The following CACNA1S variants were observed in gnomAD, a reference collection of about 807,000 sequenced individuals.
CACNA1S encodes calcium voltage-gated channel subunit alpha1 S, also known as voltage-dependent L-type calcium channel subunit alpha-1S.
In CACNA1S, 126 loss-of-function variants were observed where a neutral mutation model predicts 207.4. The ratio of observed to expected loss-of-function variants is 0.61; its 90% CI spans 0.53 to 0.70. The LOEUF (loss-of-function observed/expected upper bound fraction) is 0.70, where lower values mean the gene tolerates loss of function less well. CACNA1S is among the 30% of genes least tolerant of loss of function. CACNA1S has a pLI of 0.00. For synonymous variants in CACNA1S, 960 were observed against 932.7 expected, an observed-to-expected ratio of 1.03 and a Z score of -0.53; for missense variants, 2,349 against 2,422.8, an observed-to-expected ratio of 0.97 and a Z score of 0.64.
At chr1:201,052,729 T>C in intron 31 of CACNA1S, 81 bp from the exon 32 acceptor site, 2 of 1,184,522 alleles carry the variant, frequency 1.7e-6, no homozygotes, top group Non-Finnish European at 2.5e-6. Flanking sequence ...TTCTCCTGCC[T>C]GACCCCTACC....
chr1:201,106,953 G>A lies in CACNA1S; in HGVS notation c.258+3211C>T, dbSNP rs545049869. On this transcript the variant is annotated intron_variant, in intron 2 of 43. Transcript: ENST00000362061. ...TCAGCCCAGGGTAGAGACAACCAGAGCCATGTCCTTCCCTGAGACACGGCC... is the reference window on the plus strand; with the variant it reads ...TCAGCCCAGGGTAGAGACAACCAGAACCATGTCCTTCCCTGAGACACGGCC... Among the ~76,000 whole-genome samples, 58 of 152,304 alleles carry A rather than the reference G, an allele frequency of 3.8e-4. 1 individual carries two copies. Among genetic ancestry groups the A allele is most frequent in the African/African-American group, 1.3e-3 (54 of 41,558 alleles).
At chr1:201,083,728 T>G (rs948668297) in intron 9 of CACNA1S, among the ~76,000 whole-genome samples, 4 of 152,234 alleles carry the variant, frequency 2.6e-5, no homozygotes, top group African/African-American at 9.6e-5. Flanking sequence ...ACAATCTTTT[T>G]GGGATGAATT....
chr1:201,069,329 T>C, intron 18 of CACNA1S, 133 bp from the exon 19 acceptor site: 1 of 1,407,016 alleles, frequency 7.1e-7, no homozygotes, highest in Non-Finnish European at 9.9e-7. Context: ...AGGAGTGGAG[T>C]GGGCAGTCCT....
chr1:201,070,828 G>T (rs1661417481), intron 16 of CACNA1S, among the ~76,000 whole-genome samples: 1 of 152,140 alleles, frequency 6.6e-6, no homozygotes, highest in Non-Finnish European at 1.5e-5. Context: ...CCCTTCCTTA[G>T]CGTCAGTTTC....
intron 11 of CACNA1S, among the ~76,000 whole-genome samples, chr1:201,077,424 C>T (rs1426956701): frequency 6.6e-6 from 1 of 152,230 alleles, no homozygotes; most frequent in African/African-American, 2.4e-5. Flanking sequence ...ACCCTCGATG[C>T]CCTGTGCTTA....
At chr1:201,063,270 T>C (rs1661133470) in intron 22 of CACNA1S, among the ~76,000 whole-genome samples, 1 of 151,900 alleles carries the variant, frequency 6.6e-6, no homozygotes, top group Non-Finnish European at 1.5e-5. Context: ...CTGAGCAACA[T>C]GTTTGAAGGA....
chr1:201,040,802 AC>A, intron 41 of CACNA1S, 89 bp from the exon 42 acceptor site: 2 of 976,972 alleles, frequency 2.0e-6, no homozygotes, highest in Non-Finnish European at 3.2e-6. Context: ...CTGGCTAGCC[AC>A]ACTCTGTGAG....
chr1:201,049,030 C>G lies in CACNA1S; in HGVS notation c.4311G>C (p.Lys1437Asn). 1 of 1,613,920 alleles carries G rather than the reference C, an allele frequency of 6.2e-7. No homozygotes were observed. Among genetic ancestry groups the G allele is most frequent in the Non-Finnish European group, 8.5e-7 (1 of 1,179,926 alleles). The change falls in exon 35 of 44, where the codon AAG (lysine) becomes AAC (asparagine). Residue 1437 changes from lysine (K) to asparagine (N), a missense_variant. By Grantham distance (94) the Lys-to-Asn change is moderately conservative. Transcript: ENST00000362061. ...TACAAGCTACCCGATGTGGGCAGAA[C>G]TTCCCAAAGCCCAGAGGGGGCTGAA... is the stretch of plus-strand genomic sequence containing the variant. ...RRIQPPLGFG[K>N]FCPHRVACKR...
chr1:201,058,032 T>G (rs1359005509), intron 28 of CACNA1S, among the ~76,000 whole-genome samples: 1 of 152,190 alleles, frequency 6.6e-6, no homozygotes, highest in Non-Finnish European at 1.5e-5. Context: ...GCTGTGCCTC[T>G]CCTACAGTAG....
intron 16 of CACNA1S, 113 bp from the exon 17 acceptor site, chr1:201,070,517 C>T: frequency 1.4e-6 from 2 of 1,446,550 alleles, no homozygotes; most frequent in Non-Finnish European, 1.9e-6. Context: ...AAGGGACCAC[C>T]AGGCTGACTT....
chr1:201,109,814 C>G (rs1469148054), intron 2 of CACNA1S, among the ~76,000 whole-genome samples: 1 of 150,972 alleles, frequency 6.6e-6, no homozygotes, highest in East Asian at 1.9e-4. Flanking sequence ...CTGTGGCTCA[C>G]TAGCTGACCT....
At chr1:201,056,070 G>GACACACACACACAC (rs58170287) in intron 28 of CACNA1S, among the ~76,000 whole-genome samples, 1,324 of 94,872 alleles carry the variant, frequency 0.014, 42 homozygotes, top group East Asian at 0.14. Context: ...CAGACAGACA[G>GACACACACACACAC]ACACACACAC....
chr1:201,089,923 C>T (rs1012283585), intron 5 of CACNA1S, among the ~76,000 whole-genome samples: 6 of 152,208 alleles, frequency 3.9e-5, no homozygotes, highest in East Asian at 1.9e-4. Context: ...ACCCAGCTGA[C>T]GGGGCAGGGG....
At chr1:201,094,657 T>C (rs1222072583) in intron 2 of CACNA1S, among the ~76,000 whole-genome samples, 1 of 152,132 alleles carries the variant, frequency 6.6e-6, no homozygotes, top group Non-Finnish European at 1.5e-5. Flanking sequence ...TTCATTTTCC[T>C]TTAGGGTCCC....
chr1:201,071,727 G>A (rs78165102), intron 16 of CACNA1S, among the ~76,000 whole-genome samples: 2,041 of 152,204 alleles, frequency 0.013, 42 homozygotes, highest in African/African-American at 0.047. Context: ...TGCCATCTAA[G>A]AGGTGATAAC....
rs367685667 is a variant in CACNA1S at position 201,087,846 on chromosome 1, C to A, written c.984G>T (p.Leu328=). ...ILLGSFFILN[L]VLGVLSGEFT... is the part of the protein sequence containing the mutation. ...CTTACCCACTCAGGACACCCAGCAC[C>A]AGGTTGAGGATGAAGAAGGATCCCA... Residue 328 remains leucine (L), a synonymous_variant, in exon 7 of 44, where the codon CTG becomes CTT. Transcript: ENST00000362061. 1.5e-5 allele frequency: 25 copies of A among 1,613,186 alleles called. No homozygotes were observed. In the African/African-American group the frequency reaches 2.9e-4, roughly 19 times the overall value.
At chr1:201,110,458 T>C (rs933562621) in intron 1 of CACNA1S, among the ~76,000 whole-genome samples, 189 bp from the exon 2 acceptor site, 2 of 152,176 alleles carry the variant, frequency 1.3e-5, no homozygotes, top group Non-Finnish European at 2.9e-5. Flanking sequence ...GTTCCTGCCT[T>C]GACCTCTGGC....
intron 22 of CACNA1S, among the ~76,000 whole-genome samples, chr1:201,065,245 A>C (rs1232407716): frequency 1.3e-5 from 2 of 152,184 alleles, no homozygotes; most frequent in African/African-American, 4.8e-5. Flanking sequence ...GAGTCTCAAT[A>C]ATGTGTTGTG....
At chr1:201,092,756 C>T (rs1024666052) in intron 3 of CACNA1S, among the ~76,000 whole-genome samples, 1 of 152,198 alleles carries the variant, frequency 6.6e-6, no homozygotes. Context: ...CCAACCAGGG[C>T]AGTTTGTAAA....
Sources: gnomAD v4.1 joint callset for allele counts (sites outside exome capture counted in the v4.1 genomes callset) on GRCh38, gnomAD v4.1.1 for gene constraint, MANE v1.5 for transcripts, NCBI Gene and HGNC (gene_info 2026-07-23, HGNC 2026-07-21) for gene names.